RABGEF1: variants seen among roughly 807,000 people sequenced by gnomAD.
RABGEF1 encodes the protein RAB guanine nucleotide exchange factor 1.
In RABGEF1, 26 loss-of-function variants were observed where a neutral mutation model predicts 57.3. The ratio of observed to expected loss-of-function variants is 0.45; its 90% CI spans 0.33 to 0.63. RABGEF1 has a LOEUF of 0.63. RABGEF1 is among the 20% of genes least tolerant of loss of function. The pLI, the probability that RABGEF1 is intolerant of heterozygous loss-of-function variation, is 0.02. For synonymous variants in RABGEF1, 185 were observed against 210.7 expected, an observed-to-expected ratio of 0.88 and a Z score of 1.06; for missense variants, 464 against 607.6, an observed-to-expected ratio of 0.76 and a Z score of 2.48.
At chr7:66,788,949 ACT>A (rs1451587300) in intron 4 of RABGEF1, among the ~76,000 whole-genome samples, 1 of 151,864 alleles carries the variant, frequency 6.6e-6, no homozygotes, top group East Asian at 1.9e-4. Flanking sequence ...GAGCAAAAAA[ACT>A]CTGTCTCAAA....
intron 1 of RABGEF1, 46 bp from the exon 2 acceptor site, chr7:66,771,837 A>G (rs767951315): frequency 1.5e-5 from 19 of 1,303,090 alleles, no homozygotes; most frequent in Non-Finnish European, 1.8e-5. Context: ...GATTTTATTT[A>G]GTAGAATGAT....
At chr7:66,773,188 G>C (rs1353704876) in intron 2 of RABGEF1, among the ~76,000 whole-genome samples, 1 of 151,462 alleles carries the variant, frequency 6.6e-6, no homozygotes, top group Non-Finnish European at 1.5e-5. Flanking sequence ...TTCAGTGACT[G>C]TGTTCAATCA....
At chr7:66,716,154 C>G (rs1795366915) in intron 2 of RABGEF1, among the ~76,000 whole-genome samples, 1 of 152,028 alleles carries the variant, frequency 6.6e-6, no homozygotes, top group Admixed American at 6.6e-5. Context: ...GGGTCTTTAC[C>G]ATTATGTAAT....
At chr7:66,682,383 CCTT>C (rs1195894944) in intron 1 of RABGEF1, 2 of 153,256 alleles carry the variant, frequency 1.3e-5, no homozygotes, top group Middle Eastern at 1.2e-3. Context: ...CTCCCGCTGT[CCTT>C]CTTCCCATAT....
chr7:66,785,767 G>A (rs927132332), intron 4 of RABGEF1, among the ~76,000 whole-genome samples: 2 of 152,110 alleles, frequency 1.3e-5, no homozygotes, highest in African/African-American at 4.8e-5. Context: ...CCAGCTACTT[G>A]GGAGGCTGAG....
chr7:66,686,335 A>C (rs1012257782), intron 1 of RABGEF1, among the ~76,000 whole-genome samples: 10 of 151,386 alleles, frequency 6.6e-5, no homozygotes, highest in Non-Finnish European at 1.5e-4. Flanking sequence ...AGGCTGGTGC[A>C]GTGGCTTATG....
intron 8 of RABGEF1, among the ~76,000 whole-genome samples, chr7:66,806,827 A>G (rs62464655): frequency 0.039 from 5,973 of 151,768 alleles, 165 homozygotes; most frequent in East Asian, 0.085. Context: ...TATTTTTAGT[A>G]AAGACGGGGT....
At chr7:66,747,039 C>A (rs188085912) in intron 1 of RABGEF1, among the ~76,000 whole-genome samples, 1 of 152,190 alleles carries the variant, frequency 6.6e-6, no homozygotes, top group East Asian at 1.9e-4. Context: ...GGTGATCCAC[C>A]TGCCTTGGCC....
chr7:66,794,013 T>A (rs1813386731), intron 4 of RABGEF1, among the ~76,000 whole-genome samples: 1 of 152,150 alleles, frequency 6.6e-6, no homozygotes, highest in African/African-American at 2.4e-5. Flanking sequence ...GTGTCAGAAT[T>A]TCACCCGAAT....
intron 1 of RABGEF1, among the ~76,000 whole-genome samples, chr7:66,705,876 ATTTTTTTTTTTTTTTT>A (rs201838145): frequency 1.8e-4 from 8 of 45,150 alleles, no homozygotes; most frequent in African/African-American, 5.0e-4. Flanking sequence ...CACCCAGCTA[ATTTTTTTTTTTTTTTT>A]TTTTTTTTTT....
At chr7:66,659,321 G>A in the RABGEF1 span, among the ~76,000 whole-genome samples, 59 of 152,014 alleles carry the variant, frequency 3.9e-4, 1 homozygote, top group Non-Finnish European at 7.1e-4. Context: ...GCATGGTGGT[G>A]GGTGCCTGTA....
rs11552461 is a variant in RABGEF1 at position 66,809,657 on chromosome 7, C to G, written c.*373C>G. On this transcript the variant is annotated 3_prime_UTR_variant, in exon 9 of 9. Transcript: ENST00000284957. ...TGTTCAAGAAAATTAAATGGTACCA[C>G]TCTTCCACAGTTTGGAATAATTTTA... The G allele has an allele frequency of 6.1e-6, 1 of 164,550 alleles. No homozygotes were observed. Among genetic ancestry groups the G allele is most frequent in the Non-Finnish European group, 1.3e-5 (1 of 76,348 alleles). The allele number at this position is 164,550 out of a possible 1,614,324, so 10.2% of individuals were successfully genotyped here.
chr7:66,670,851 A>G, the RABGEF1 span, among the ~76,000 whole-genome samples: 1 of 151,884 alleles, frequency 6.6e-6, no homozygotes, highest in East Asian at 1.9e-4. Context: ...GTCTCAAAAA[A>G]CAAAACAAAA....
At chr7:66,776,284 CAG>C (rs1475090079) in intron 3 of RABGEF1, among the ~76,000 whole-genome samples, 2 of 152,200 alleles carry the variant, frequency 1.3e-5, no homozygotes, top group African/African-American at 4.8e-5. Flanking sequence ...AATAATAAGA[CAG>C]TGTTACTTCT....
intron 4 of RABGEF1, among the ~76,000 whole-genome samples, chr7:66,793,374 G>A (rs1382182516): frequency 1.3e-5 from 2 of 152,082 alleles, no homozygotes; most frequent in African/African-American, 4.8e-5. Context: ...TAACAGTTTT[G>A]GCTGCTTTTT....
Position 66,805,016 on chromosome 7 carries a change from T to A in RABGEF1, c.821-124T>A, listed in dbSNP as rs1164655890. ...ATTTACTAAGTTATTATATACTAAG[T>A]TAACTGCTGGAAAAGGGGTTAATAA... On this transcript the variant is annotated intron_variant, in intron 7 of 8. Transcript: ENST00000284957. The A allele has an allele frequency of 3.6e-6, 4 of 1,105,890 alleles. No individual in the cohort carries two copies. The Admixed American group carries it at 1.0e-4, about 29-fold the overall frequency. 68.5% of individuals were successfully genotyped at this position (1,105,890 alleles called of 1,614,324 possible). A position where few individuals can be genotyped will look rare whatever the true frequency, so the allele number is the denominator to read the frequency against.
chr7:66,691,713 T>G (rs1648599052), intron 1 of RABGEF1, among the ~76,000 whole-genome samples: 1 of 152,124 alleles, frequency 6.6e-6, no homozygotes, highest in African/African-American at 2.4e-5. Context: ...GTTCAATAAT[T>G]TTGCCAAACT....
chr7:66,730,928 G>A (rs1297726551), intron 2 of RABGEF1, among the ~76,000 whole-genome samples: 2 of 152,140 alleles, frequency 1.3e-5, no homozygotes, highest in African/African-American at 4.8e-5. Flanking sequence ...TCAGAGGGAG[G>A]CACAGAACTG....
At chr7:66,800,248 T>G (rs540474939) in intron 7 of RABGEF1, among the ~76,000 whole-genome samples, 9 of 151,992 alleles carry the variant, frequency 5.9e-5, no homozygotes, top group African/African-American at 2.2e-4. Flanking sequence ...GAAATGGAGG[T>G]TTGCTTAAGG....
Sources: allele counts gnomAD v4.1 joint callset (sites outside exome capture counted in the v4.1 genomes callset), GRCh38; gene constraint gnomAD v4.1.1; transcripts MANE v1.5; gene names NCBI Gene and HGNC (gene_info 2026-07-23, HGNC 2026-07-21).